Variants in CDK14 observed in about 807,000 individuals in gnomAD.
The protein encoded by CDK14 is cyclin-dependent kinase 14.
CDK14 carries 34 observed loss-of-function variants against 60.7 expected under a neutral mutation model. The ratio of observed to expected loss-of-function variants is 0.56; its 90% CI spans 0.43 to 0.75. CDK14 has a LOEUF of 0.75. Ranked by LOEUF, CDK14 falls within the 30% of genes least tolerant of loss-of-function variation. The pLI, the probability that CDK14 is intolerant of heterozygous loss-of-function variation, is 0.00. For synonymous variants in CDK14, 197 were observed against 203.7 expected (o/e 0.97, Z 0.28); for missense variants, 482 against 564.1 (o/e 0.85, Z 1.47).
At chr7:91,031,169 C>T (rs533209205) in intron 10 of CDK14, among the ~76,000 whole-genome samples, 1 of 152,260 alleles carries the variant, frequency 6.6e-6, no homozygotes, top group Non-Finnish European at 1.5e-5. Flanking sequence ...TGGAACACAA[C>T]TCCATTTTAG....
At chr7:90,953,149 T>C (rs1276329428) in intron 8 of CDK14, among the ~76,000 whole-genome samples, 1 of 151,526 alleles carries the variant, frequency 6.6e-6, no homozygotes, top group Non-Finnish European at 1.5e-5. Flanking sequence ...GGTAAAAATT[T>C]TTTGTTCATC....
chr7:90,903,510 A>T (rs1032761182), intron 7 of CDK14, among the ~76,000 whole-genome samples: 4 of 152,158 alleles, frequency 2.6e-5, no homozygotes, highest in Non-Finnish European at 5.9e-5. Flanking sequence ...GGAGCTAAAA[A>T]AGTTGATCTC....
intron 10 of CDK14, among the ~76,000 whole-genome samples, chr7:90,986,661 T>C (rs1365540640): frequency 6.6e-6 from 1 of 152,010 alleles, no homozygotes; most frequent in Non-Finnish European, 1.5e-5. Context: ...ATATTTTGTA[T>C]TGACAAAAAT....
chr7:91,175,357 C>T (rs1801695156), intron 14 of CDK14, among the ~76,000 whole-genome samples: 1 of 151,812 alleles, frequency 6.6e-6, no homozygotes, highest in South Asian at 2.1e-4. Flanking sequence ...CAAAATCATG[C>T]CAAAATGTAA....
At position 90,984,236 on chromosome 7, in the gene CDK14, T is replaced by C; in HGVS notation, c.1036T>C (p.Phe346Leu). The change falls in exon 10 of 15, where the codon TTT becomes CTT. Residue 346 changes from phenylalanine to leucine, a missense_variant. Transcript: ENST00000380050. ...CATTCAGGATCAACTTGAACGAATA[T>C]TTCTGGTAAGTCCTTTACAGAGTAT... ...KDIQDQLERI[F>L]LVLGTPNEDT... 1 of 1,603,642 alleles carries C rather than the reference T, an allele frequency of 6.2e-7. No homozygotes were observed. The highest frequency in any genetic ancestry group is 8.5e-7 in the Non-Finnish European group (1 of 1,170,420).
chr7:91,041,164 A>T (rs1290788473), intron 10 of CDK14, among the ~76,000 whole-genome samples: 2 of 142,962 alleles, frequency 1.4e-5, no homozygotes, highest in African/African-American at 5.3e-5. Context: ...CACGGATAAG[A>T]TGAGCTTGTC....
At chr7:90,914,450 G>A (rs1178916909) in intron 7 of CDK14, among the ~76,000 whole-genome samples, 2 of 152,048 alleles carry the variant, frequency 1.3e-5, no homozygotes, top group East Asian at 3.9e-4. Flanking sequence ...TCAAGTCTAG[G>A]GACCACATCT....
intron 10 of CDK14, among the ~76,000 whole-genome samples, chr7:91,004,896 G>A (rs1034250954): frequency 6.6e-6 from 1 of 152,136 alleles, no homozygotes. Context: ...GCTACTAAAA[G>A]GATATAAAAG....
intron 2 of CDK14, among the ~76,000 whole-genome samples, chr7:90,614,571 T>G (rs1419957926): frequency 6.6e-6 from 1 of 152,016 alleles, no homozygotes; most frequent in African/African-American, 2.4e-5. Flanking sequence ...TCCTTCTTTC[T>G]TAGCAACTTA....
At chr7:90,860,945 C>G (rs749161701) in intron 5 of CDK14, among the ~76,000 whole-genome samples, 3 of 152,088 alleles carry the variant, frequency 2.0e-5, no homozygotes, top group Non-Finnish European at 2.9e-5. Flanking sequence ...AGCAGCTGGT[C>G]CTCTCTGGGT....
chr7:90,682,677 C>A (rs1181871042), intron 2 of CDK14, among the ~76,000 whole-genome samples: 1 of 140,702 alleles, frequency 7.1e-6, no homozygotes. Context: ...CCTTTTATGG[C>A]TTCTGTTCAC....
chr7:91,026,033 T>G (rs1214451109), intron 10 of CDK14, among the ~76,000 whole-genome samples: 1 of 152,150 alleles, frequency 6.6e-6, no homozygotes, highest in Non-Finnish European at 1.5e-5. Context: ...ACCTTTTTTT[T>G]TTTAGTGAAC....
intron 9 of CDK14, among the ~76,000 whole-genome samples, chr7:90,978,378 G>A (rs923645928): frequency 6.6e-6 from 1 of 152,114 alleles, no homozygotes; most frequent in Non-Finnish European, 1.5e-5. Flanking sequence ...ATAGGGGCAC[G>A]TATGTAGGGT....
At chr7:91,163,792 T>C (rs1348177636) in intron 14 of CDK14, among the ~76,000 whole-genome samples, 1 of 152,130 alleles carries the variant, frequency 6.6e-6, no homozygotes, top group East Asian at 1.9e-4. Flanking sequence ...GCTGGTAATA[T>C]TCAGAATTAT....
intron 2 of CDK14, among the ~76,000 whole-genome samples, chr7:90,624,703 T>C (rs1047101403): frequency 6.6e-6 from 1 of 152,220 alleles, no homozygotes; most frequent in African/African-American, 2.4e-5. Flanking sequence ...GCATTAGATA[T>C]GGATTTGAAA....
intron 10 of CDK14, among the ~76,000 whole-genome samples, chr7:91,029,748 AT>A: frequency 6.6e-6 from 1 of 152,018 alleles, no homozygotes; most frequent in East Asian, 1.9e-4. Context: ...GTGTACATTG[AT>A]TTTTGTAACC....
chr7:91,174,212 G>A (rs1040318738), intron 14 of CDK14, among the ~76,000 whole-genome samples: 19 of 151,864 alleles, frequency 1.3e-4, no homozygotes, highest in African/African-American at 2.4e-4. Context: ...CACCTCACAC[G>A]GCAGGGTATT....
intron 2 of CDK14, among the ~76,000 whole-genome samples, chr7:90,694,805 T>C (rs530931632): frequency 6.6e-6 from 1 of 152,328 alleles, no homozygotes; most frequent in South Asian, 2.1e-4. Context: ...AAATATTTCA[T>C]GGGAAAATGG....
rs185473676 is a variant in CDK14, at chr7:91,003,003, C to T, written c.1041+18762C>T. On this transcript the variant is annotated intron_variant, in intron 10 of 14. Transcript: ENST00000380050. ...AGGAGAATGGCATGCACCTGGGAGGCGGAGCTTATAGTGAGCCGAGATCAC... is the reference window on the plus strand; with the variant it reads ...AGGAGAATGGCATGCACCTGGGAGGTGGAGCTTATAGTGAGCCGAGATCAC... 1.3e-3 allele frequency among the ~76,000 whole-genome samples: 198 copies of T among 152,006 alleles called. 1 individual carries two copies. The highest frequency in any genetic ancestry group is 4.6e-3 in the African/African-American group (191 of 41,456).
Sources: gnomAD v4.1 joint callset for allele counts (sites outside exome capture counted in the v4.1 genomes callset) on GRCh38, gnomAD v4.1.1 for gene constraint, MANE v1.5 for transcripts, NCBI Gene and HGNC (gene_info 2026-07-23, HGNC 2026-07-21) for gene names.